Variants in CBR4 observed in about 807,000 individuals in gnomAD.
The protein encoded by CBR4 is carbonyl reductase 4.
In CBR4, 22 loss-of-function variants were observed where a neutral mutation model predicts 21.0. The ratio of observed to expected loss-of-function variants is 1.05; its 90% CI spans 0.75 to 1.50. The LOEUF is 1.50. Among genes scored for constraint, CBR4 ranks in the 40% most tolerant of loss-of-function variants. The pLI is 0.00. For missense variants in CBR4, 302 were observed against 286.3 expected (o/e 1.05, Z -0.40); for synonymous variants, 100 against 104.4 (o/e 0.96, Z 0.26).
chr4:168,934,282 C>CAAAAAA (rs60538970), intron 2 of CBR4, among the ~76,000 whole-genome samples: 12 of 18,174 alleles, frequency 6.6e-4, no homozygotes, highest in African/African-American at 9.4e-4. Context: ...GCAAAAAAAA[C>CAAAAAA]AAAAAAAAAA....
At chr4:168,935,484 A>G (rs762308834) in intron 2 of CBR4, among the ~76,000 whole-genome samples, 4 of 152,038 alleles carry the variant, frequency 2.6e-5, no homozygotes, top group East Asian at 1.9e-4. Context: ...CTGACCCCCT[A>G]TGGAGCCCAG....
intron 4 of CBR4, chr4:169,001,456 G>C (rs1195531391): frequency 6.6e-6 from 1 of 152,126 alleles, no homozygotes; most frequent in Non-Finnish European, 1.5e-5. Flanking sequence ...TATTCCACTA[G>C]TGCAAAATTT....
At position 168,989,627 on chromosome 4, in the gene CBR4, G is replaced by A. The variant is rs1448196243; in HGVS notation, c.*523C>T. On this transcript the variant is annotated 3_prime_UTR_variant, in exon 5 of 5. Transcript: ENST00000306193. ...TCTTATTTTGGCAACAGCCCACAAGGTTAACTTTTAGAAAATTCAGCTTGA... is the reference window on the plus strand; with the variant it reads ...TCTTATTTTGGCAACAGCCCACAAGATTAACTTTTAGAAAATTCAGCTTGA... 1.0e-6 allele frequency: 1 copy of A among 984,996 alleles called. No homozygotes were observed. The allele number at this position is 984,996 out of a possible 1,614,324, so 61.0% of individuals were successfully genotyped here.
At chr4:169,005,742 T>G (rs1334421525) in intron 3 of CBR4, 1 of 476,914 alleles carries the variant, frequency 2.1e-6, no homozygotes, top group African/African-American at 2.0e-5. Flanking sequence ...CTTAAATTTT[T>G]AAGAGTAAAT....
chr4:168,959,855 G>A (rs1360890762), intron 2 of CBR4, among the ~76,000 whole-genome samples: 7 of 142,802 alleles, frequency 4.9e-5, no homozygotes, highest in Admixed American at 2.2e-4. Context: ...GAGCCACCAC[G>A]CCCAGCCTCA....
intron 2 of CBR4, among the ~76,000 whole-genome samples, chr4:168,978,572 G>C (rs531456798): frequency 6.6e-6 from 1 of 152,190 alleles, no homozygotes; most frequent in Non-Finnish European, 1.5e-5. Flanking sequence ...CCATGTTTCT[G>C]CCATGAACCT....
In CBR4 at chr4:168,972,432, C is replaced by T. The variant is rs186207025; in HGVS notation, n.169+29639G>A. 9.6e-4 allele frequency among the ~76,000 whole-genome samples: 146 copies of T among 152,202 alleles called. 1 individual carries two copies. The highest frequency in any genetic ancestry group is 3.4e-3 in the African/African-American group (141 of 41,530). The stretch of plus-strand genomic sequence containing the variant: ...CATGAGCATGGGATGTGTTTCCATT[C>T]GTTTGTGTCATCTATGATTTCTTTC... On this transcript the variant is annotated intron_variant and non_coding_transcript_variant, in intron 2 of 3. Coordinates refer to the CBR4 transcript ENST00000509108.
intron 2 of CBR4, among the ~76,000 whole-genome samples, chr4:168,942,570 A>G (rs1013473614): frequency 6.6e-6 from 1 of 152,134 alleles, no homozygotes; most frequent in African/African-American, 2.4e-5. Flanking sequence ...TTGGTCTAGA[A>G]AAAGATTTTA....
intron 2 of CBR4, among the ~76,000 whole-genome samples, chr4:168,942,033 C>T (rs1036752321): frequency 2.0e-5 from 3 of 152,082 alleles, no homozygotes; most frequent in African/African-American, 7.2e-5. Flanking sequence ...CACATATATA[C>T]CATAGAATAC....
intron 2 of CBR4, among the ~76,000 whole-genome samples, chr4:168,932,416 C>A (rs1762996609): frequency 1.3e-5 from 2 of 151,762 alleles, no homozygotes; most frequent in South Asian, 4.2e-4. Context: ...ATAAAGAAAG[C>A]CTACAGAATG....
intron 4 of CBR4, among the ~76,000 whole-genome samples, chr4:168,999,438 C>G (rs1227699386): frequency 6.6e-6 from 1 of 151,956 alleles, no homozygotes; most frequent in Admixed American, 6.6e-5. Flanking sequence ...TTGCTTCTGA[C>G]AAATGATGCA....
rs146765247 is a variant in CBR4 at position 169,006,171 on chromosome 4, A to G, written c.400+584T>C. On this transcript the variant is annotated intron_variant, in intron 3 of 4. Transcript: ENST00000306193. ...GTAACCCATGAAACTGCTGTAGACA[A>G]TATTATTTAGCCACCACTGTCTACT... Among the ~76,000 whole-genome samples the G allele has an allele frequency of 1.7e-3, 255 of 152,216 alleles. 1 individual carries two copies. The highest frequency in any genetic ancestry group is 5.8e-3 in the African/African-American group (240 of 41,526).
chr4:169,009,291 C>T (rs1055251873), intron 1 of CBR4, among the ~76,000 whole-genome samples: 1 of 152,158 alleles, frequency 6.6e-6, no homozygotes. Flanking sequence ...AAATAAAAAA[C>T]CCTGAAGTTT....
At chr4:168,985,667 T>C (rs1250964181), downstream of CBR4, among the ~76,000 whole-genome samples, 4 of 152,122 alleles carry the variant, frequency 2.6e-5, no homozygotes. Flanking sequence ...AAAGAAAATG[T>C]GGTACATATG....
Position 169,008,131 on chromosome 4 carries a change from C to A in CBR4, c.143-375G>T, listed in dbSNP as rs78822300. Reference sequence around the variant, plus strand: ...TATATTCCTTTTTTGAAATTTATGTCTAATTCTGTCAGGTTTTTGTTGAAT... The same window carrying A: ...TATATTCCTTTTTTGAAATTTATGTATAATTCTGTCAGGTTTTTGTTGAAT... On this transcript the variant is annotated intron_variant, in intron 1 of 4. Coordinates refer to ENST00000306193, the MANE Select transcript of CBR4 (RefSeq NM_032783.5). 2.2e-3 allele frequency among the ~76,000 whole-genome samples: 333 copies of A among 152,164 alleles called. 6 individuals are homozygous for A. In the East Asian group the frequency reaches 0.058, roughly 26 times the overall value.
At chr4:169,008,068 T>G (rs957602124) in intron 1 of CBR4, among the ~76,000 whole-genome samples, 1 of 152,240 alleles carries the variant, frequency 6.6e-6, no homozygotes, top group Non-Finnish European at 1.5e-5. Flanking sequence ...GCTTTAACAC[T>G]GAATTCATGC....
At chr4:168,897,864 T>C (rs895836121) in intron 2 of CBR4, 1 of 151,976 alleles carries the variant, frequency 6.6e-6, no homozygotes, top group Non-Finnish European at 1.5e-5. Flanking sequence ...CTGTCAGTCC[T>C]ATTTTTTCTT....
intron 2 of CBR4, among the ~76,000 whole-genome samples, chr4:168,980,941 T>C (rs1458494482): frequency 6.6e-6 from 1 of 152,104 alleles, no homozygotes; most frequent in Non-Finnish European, 1.5e-5. Flanking sequence ...TCCCCAACAC[T>C]GATTCTTAAC....
At chr4:168,913,025 T>C (rs1759318339) in intron 2 of CBR4, among the ~76,000 whole-genome samples, 1 of 152,214 alleles carries the variant, frequency 6.6e-6, no homozygotes, top group South Asian at 2.1e-4. Context: ...CATGAGAACA[T>C]GGCTTCATTT....
Sources: gnomAD v4.1 joint callset for allele counts (sites outside exome capture counted in the v4.1 genomes callset) on GRCh38, gnomAD v4.1.1 for gene constraint, MANE v1.5 for transcripts, NCBI Gene and HGNC (gene_info 2026-07-23, HGNC 2026-07-21) for gene names.